TENM4: variants seen among roughly 807,000 people sequenced by gnomAD.
TENM4 encodes teneurin-4.
TENM4 carries 82 observed loss-of-function variants against 243.3 expected under a neutral mutation model. That is an observed-to-expected ratio of 0.34 (90% confidence interval 0.28 to 0.40). The LOEUF (loss-of-function observed/expected upper bound fraction) is 0.40. TENM4 is among the 10% of genes least tolerant of loss of function. TENM4 has a pLI of 1.00. For missense variants in TENM4, 3,138 were observed against 3,673.3 expected (o/e 0.85, Z 3.77); for synonymous variants, 1,412 against 1,456.3 (o/e 0.97, Z 0.69).
intron 3 of TENM4, among the ~76,000 whole-genome samples, chr11:79,181,393 C>T (rs770509658): frequency 1.3e-5 from 2 of 152,074 alleles, no homozygotes; most frequent in Admixed American, 1.3e-4. Context: ...ATTCAACACT[C>T]GTTTATGACA....
At position 79,260,003 on chromosome 11, in the gene TENM4, A is replaced by C. The variant is rs186420989; in HGVS notation, c.-265+37485T>G. Among the ~76,000 whole-genome samples, 298 of 152,318 alleles carry C rather than the reference A, an allele frequency of 2.0e-3. 2 individuals carry two copies. The highest frequency in any genetic ancestry group is 6.8e-3 in the African/African-American group (284 of 41,574). On this transcript the variant is annotated intron_variant, in intron 2 of 33. Coordinates refer to ENST00000278550, the MANE Select transcript of TENM4 (RefSeq NM_001098816.3). ...ATCAACTTAGTGGGATACAGTGAGC[A>C]CTGCCACCTGGAGGGCTGTGGGTGG...
rs141499733 is a variant in TENM4 at position 79,108,841 on chromosome 11, A to T, written c.-65-38832T>A. On this transcript the variant is annotated intron_variant, in intron 4 of 33. Coordinates refer to ENST00000278550, the MANE Select transcript of TENM4 (RefSeq NM_001098816.3). ...GAAACGGTGGAAAATTTAGCCAAGG[A>T]TCTCCTGGGCTCCTGCCCAGTTCCC... Among the ~76,000 whole-genome samples the T allele has an allele frequency of 1.5e-3, 224 of 152,270 alleles. 1 individual carries two copies. The highest frequency in any genetic ancestry group is 5.3e-3 in the African/African-American group (219 of 41,564).
At chr11:78,668,835 T>G in intron 32 of TENM4, 102 bp downstream of exon 32, 1 of 1,418,414 alleles carries the variant, frequency 7.1e-7, no homozygotes, top group South Asian at 1.4e-5. Context: ...AAAGTCAGTG[T>G]TTCCTGTCAC....
At chr11:79,351,866 A>G (rs552878527) in intron 1 of TENM4, among the ~76,000 whole-genome samples, 1 of 152,266 alleles carries the variant, frequency 6.6e-6, no homozygotes, top group South Asian at 2.1e-4. Context: ...ACTCAGTGCA[A>G]CAGTTCAACA....
intron 27 of TENM4, among the ~76,000 whole-genome samples, chr11:78,705,351 T>C (rs1470881789): frequency 2.0e-5 from 3 of 152,186 alleles, no homozygotes; most frequent in Non-Finnish European, 2.9e-5. Flanking sequence ...TTTCCCCTTA[T>C]GCCATGTGCA....
Position 79,209,444 on chromosome 11 carries a change from C to G in TENM4, c.-163+6364G>C, listed in dbSNP as rs923468262. 3.3e-5 allele frequency among the ~76,000 whole-genome samples: 5 copies of G among 152,312 alleles called. No individual in the cohort carries two copies. In the East Asian group the frequency reaches 9.6e-4, roughly 29 times the overall value. ...ATCGGGAACTCCTGGGTTCCCAGCA[C>G]AATCTGTGGCACCTTTTAAATTTCA... On this transcript the variant is annotated intron_variant, in intron 3 of 33. Transcript: ENST00000278550.
At chr11:79,018,374 T>G (rs1591211889) in intron 6 of TENM4, among the ~76,000 whole-genome samples, 2 of 152,208 alleles carry the variant, frequency 1.3e-5, no homozygotes, top group East Asian at 3.9e-4. Flanking sequence ...GTAATCTCAT[T>G]TCTCTGGGCT....
intron 32 of TENM4, among the ~76,000 whole-genome samples, chr11:78,663,340 T>C (rs1468609872): frequency 1.3e-5 from 2 of 152,132 alleles, no homozygotes. Context: ...TAGGATGATA[T>C]AGTTTGAATA....
rs373038458 is a variant in TENM4 at position 79,244,727 on chromosome 11, A to G, written c.-264-28818T>C. 3.9e-5 allele frequency among the ~76,000 whole-genome samples: 6 copies of G among 152,306 alleles called. No homozygotes were observed. In the East Asian group the frequency reaches 5.8e-4, roughly 15 times the overall value. On this transcript the variant is annotated intron_variant, in intron 2 of 33. Transcript: ENST00000278550. ...AATCATGTTAAGCTCTTGTTATAAA[A>G]CAAACAGTCATTTCTTTCACAAGCC...
chr11:79,049,634 A>G (rs1859747457), intron 6 of TENM4, among the ~76,000 whole-genome samples: 1 of 152,252 alleles, frequency 6.6e-6, no homozygotes, highest in South Asian at 2.1e-4. Context: ...AGGAGGGGCT[A>G]TCTGTGCCTA....
chr11:79,378,032 C>A (rs1857927164), intron 1 of TENM4, among the ~76,000 whole-genome samples: 1 of 152,194 alleles, frequency 6.6e-6, no homozygotes, highest in African/African-American at 2.4e-5. Context: ...ATCATCTTTA[C>A]TCTCCGTGCC....
At chr11:78,964,817 A>G (rs1373170989) in intron 6 of TENM4, among the ~76,000 whole-genome samples, 2 of 152,102 alleles carry the variant, frequency 1.3e-5, no homozygotes, top group Non-Finnish European at 2.9e-5. Flanking sequence ...TGTATCACAG[A>G]CTTACCTCCT....
At chr11:79,134,723 G>A (rs1003108719) in intron 4 of TENM4, among the ~76,000 whole-genome samples, 2 of 152,038 alleles carry the variant, frequency 1.3e-5, no homozygotes, top group Non-Finnish European at 2.9e-5. Context: ...CTTCGACAAA[G>A]CAAACAAATA....
chr11:78,741,380 T>G (rs1358999639), intron 19 of TENM4, among the ~76,000 whole-genome samples: 3 of 151,864 alleles, frequency 2.0e-5, no homozygotes, highest in Admixed American at 2.0e-4. Flanking sequence ...GTGTAAATAC[T>G]CTCATCATGG....
intron 3 of TENM4, among the ~76,000 whole-genome samples, chr11:79,163,418 G>T (rs1340912175): frequency 6.6e-6 from 1 of 151,818 alleles, no homozygotes; most frequent in Non-Finnish European, 1.5e-5. Context: ...TTTTTTAATA[G>T]TTTTTTTGGG....
At chr11:78,824,687 G>C (rs1857813068) in intron 12 of TENM4, among the ~76,000 whole-genome samples, 1 of 16,256 alleles carries the variant, frequency 6.2e-5, no homozygotes, top group East Asian at 1.8e-3. Flanking sequence ...ATTTTTAGTA[G>C]AGATGGGGTT....
intron 7 of TENM4, among the ~76,000 whole-genome samples, chr11:78,892,102 C>G (rs563531312): frequency 3.3e-5 from 5 of 152,150 alleles, no homozygotes; most frequent in African/African-American, 1.2e-4. Context: ...TGGAGCTCCA[C>G]GGAAGACAAA....
At chr11:78,776,988 T>C (rs570131206) in intron 17 of TENM4, among the ~76,000 whole-genome samples, 2 of 152,128 alleles carry the variant, frequency 1.3e-5, no homozygotes, top group South Asian at 2.1e-4. Context: ...GGATGACCCA[T>C]TCAACTCCCT....
intron 10 of TENM4, among the ~76,000 whole-genome samples, chr11:78,862,020 T>G (rs1858833733): frequency 6.6e-6 from 1 of 152,196 alleles, no homozygotes; most frequent in African/African-American, 2.4e-5. Context: ...TAGAAATATT[T>G]CTAAGACATT....
Sources: gnomAD v4.1 joint callset for allele counts (sites outside exome capture counted in the v4.1 genomes callset) on GRCh38, gnomAD v4.1.1 for gene constraint, MANE v1.5 for transcripts, NCBI Gene and HGNC (gene_info 2026-07-23, HGNC 2026-07-21) for gene names.